RIMS1: variants seen among roughly 807,000 people sequenced by gnomAD.
The protein encoded by RIMS1 is regulating synaptic membrane exocytosis protein 1.
RIMS1 carries 83 observed loss-of-function variants against 214.1 expected under a neutral mutation model. The observed-to-expected ratio is 0.39, with a 90% confidence interval of 0.32 to 0.47. The LOEUF (loss-of-function observed/expected upper bound fraction) is 0.47, where lower values mean the gene tolerates loss of function less well. Among genes scored for constraint, RIMS1 ranks in the 20% least tolerant of loss-of-function variants. The pLI, the probability that RIMS1 is intolerant of heterozygous loss-of-function variation, is 0.99. For missense variants in RIMS1, 2,050 were observed against 2,161.8 expected, an observed-to-expected ratio of 0.95 and a Z score of 1.03; for synonymous variants, 793 against 786.8, an observed-to-expected ratio of 1.01 and a Z score of -0.13.
At chr6:72,286,668 C>T (rs2092368253) in intron 24 of RIMS1, among the ~76,000 whole-genome samples, 1 of 152,138 alleles carries the variant, frequency 6.6e-6, no homozygotes, top group East Asian at 1.9e-4. Flanking sequence ...TTTATGTTAG[C>T]TCTGAATAAG....
intron 4 of RIMS1, among the ~76,000 whole-genome samples, chr6:72,117,262 G>A (rs1015620006): frequency 4.6e-5 from 7 of 152,000 alleles, no homozygotes; most frequent in Non-Finnish European, 1.0e-4. Flanking sequence ...GATTTGGCCT[G>A]TAGGTCATAA....
At chr6:72,011,730 T>C (rs112741166) in intron 2 of RIMS1, among the ~76,000 whole-genome samples, 2,090 of 152,168 alleles carry the variant, frequency 0.014, 51 homozygotes, top group African/African-American at 0.046. Context: ...CATGAAAAAA[T>C]GCTCACCATC....
intron 1 of RIMS1, among the ~76,000 whole-genome samples, chr6:71,907,752 T>C (rs1364007133): frequency 3.9e-5 from 6 of 152,196 alleles, no homozygotes; most frequent in Non-Finnish European, 8.8e-5. Context: ...ATATGTCAAA[T>C]TATCTACATT....
chr6:72,298,974 T>A (rs2094365025), intron 26 of RIMS1, among the ~76,000 whole-genome samples: 2 of 152,010 alleles, frequency 1.3e-5, no homozygotes, highest in African/African-American at 4.8e-5. Flanking sequence ...TCTTTTATGT[T>A]GAAAGCTGAA....
intron 2 of RIMS1, among the ~76,000 whole-genome samples, chr6:71,986,480 A>T (rs1216894844): frequency 6.6e-6 from 1 of 152,178 alleles, no homozygotes; most frequent in Non-Finnish European, 1.5e-5. Context: ...CAAGAAACTG[A>T]TGATGCCTTG....
At chr6:72,079,692 T>G (rs1832796387) in intron 2 of RIMS1, among the ~76,000 whole-genome samples, 2 of 152,046 alleles carry the variant, frequency 1.3e-5, no homozygotes, top group South Asian at 4.2e-4. Context: ...GAGACCAGCC[T>G]GGATAACATA....
intron 2 of RIMS1, among the ~76,000 whole-genome samples, chr6:72,042,080 T>G (rs1311501985): frequency 6.6e-6 from 1 of 151,992 alleles, no homozygotes; most frequent in African/African-American, 2.4e-5. Flanking sequence ...TAAATATTTC[T>G]TGGTATCACG....
chr6:72,188,343 T>C (rs549927656), intron 6 of RIMS1, among the ~76,000 whole-genome samples: 2 of 152,304 alleles, frequency 1.3e-5, no homozygotes, highest in African/African-American at 4.8e-5. Context: ...GTAATAATTA[T>C]GCCGAACATA....
intron 15 of RIMS1, 87 bp from the exon 16 acceptor site, chr6:72,252,674 C>A: frequency 9.8e-7 from 1 of 1,022,526 alleles, no homozygotes; most frequent in Non-Finnish European, 1.5e-6. Flanking sequence ...TAATGCAATT[C>A]ACTTTTTAAA....
chr6:72,110,789 A>C (rs2035919330), intron 4 of RIMS1, among the ~76,000 whole-genome samples: 1 of 152,176 alleles, frequency 6.6e-6, no homozygotes, highest in South Asian at 2.1e-4. Flanking sequence ...CCAGTTTTCA[A>C]AGGGAATTCT....
intron 23 of RIMS1, among the ~76,000 whole-genome samples, chr6:72,279,599 G>A (rs943324451): frequency 6.6e-6 from 1 of 152,088 alleles, no homozygotes; most frequent in Non-Finnish European, 1.5e-5. Context: ...GAACAAAAAA[G>A]CATGTTTAAA....
chr6:72,074,714 C>T (rs1292197120), intron 2 of RIMS1, among the ~76,000 whole-genome samples: 1 of 152,106 alleles, frequency 6.6e-6, no homozygotes, highest in Non-Finnish European at 1.5e-5. Flanking sequence ...TGTCCGTTAG[C>T]AGGGAAGTAT....
intron 4 of RIMS1, among the ~76,000 whole-genome samples, chr6:72,163,374 T>C (rs755683377): frequency 7.1e-6 from 1 of 141,100 alleles, no homozygotes; most frequent in Non-Finnish European, 1.6e-5. Context: ...TGAAGCCTTC[T>C]TCTCTCGACT....
At chr6:72,210,796 A>T (rs575730604) in intron 6 of RIMS1, among the ~76,000 whole-genome samples, 1 of 152,330 alleles carries the variant, frequency 6.6e-6, no homozygotes, top group Non-Finnish European at 1.5e-5. Context: ...TAATAGCAAT[A>T]AACCTTTGAG....
chr6:71,988,876 G>T (rs1800769211), intron 2 of RIMS1, among the ~76,000 whole-genome samples: 1 of 152,124 alleles, frequency 6.6e-6, no homozygotes, highest in Non-Finnish European at 1.5e-5. Context: ...ATCTACATGT[G>T]GGGGCCATTT....
chr6:72,320,076 G>C (rs776589619), intron 28 of RIMS1, among the ~76,000 whole-genome samples: 1 of 152,018 alleles, frequency 6.6e-6, no homozygotes, highest in Non-Finnish European at 1.5e-5. Flanking sequence ...TTCGAATTTT[G>C]ATTACTAATA....
intron 9 of RIMS1, among the ~76,000 whole-genome samples, chr6:72,239,720 C>G (rs1010362418): frequency 6.6e-6 from 1 of 152,186 alleles, no homozygotes; most frequent in African/African-American, 2.4e-5. Context: ...CACTGACACT[C>G]TGTTTATTAT....
chr6:72,203,011 C>T (rs1229561618), intron 6 of RIMS1, among the ~76,000 whole-genome samples: 3 of 151,898 alleles, frequency 2.0e-5, no homozygotes, highest in Non-Finnish European at 4.4e-5. Context: ...TTTTTTGAGA[C>T]GGAGTCTCCC....
chr6:71,977,203 T>C (rs1481647545), intron 2 of RIMS1, among the ~76,000 whole-genome samples: 3 of 152,168 alleles, frequency 2.0e-5, no homozygotes, highest in Admixed American at 1.3e-4. Flanking sequence ...GGCCCACCTT[T>C]CTCTGTTTTG....
Sources: allele counts gnomAD v4.1 joint callset (sites outside exome capture counted in the v4.1 genomes callset), GRCh38; gene constraint gnomAD v4.1.1; transcripts MANE v1.5; gene names NCBI Gene and HGNC (gene_info 2026-07-23, HGNC 2026-07-21).